CTNNA1: variants seen among roughly 807,000 people sequenced by gnomAD.
The protein encoded by CTNNA1 is catenin alpha-1.
CTNNA1 carries 37 observed loss-of-function variants against 98.4 expected under a neutral mutation model. That is an observed-to-expected ratio of 0.38 (90% confidence interval 0.29 to 0.49). The LOEUF is 0.49. CTNNA1 is among the 20% of genes least tolerant of loss of function. The pLI is 0.95. For synonymous variants in CTNNA1, 404 were observed against 413.2 expected, an observed-to-expected ratio of 0.98 and a Z score of 0.27; for missense variants, 761 against 1,147.2, an observed-to-expected ratio of 0.66 and a Z score of 4.86.
At chr5:138,932,121 T>A in intron 16 of CTNNA1, 1 of 987,704 alleles carries the variant, frequency 1.0e-6, no homozygotes, top group South Asian at 4.7e-5. Context: ...TAACGCAAAG[T>A]GCCTCAGAGC....
chr5:138,815,172 A>G (rs988780069), intron 5 of CTNNA1, among the ~76,000 whole-genome samples: 26 of 152,086 alleles, frequency 1.7e-4, no homozygotes, highest in Admixed American at 1.2e-3. Context: ...TGTTCCATGG[A>G]TCTGTGAAGA....
chr5:138,922,389 T>C (rs1202110046), intron 11 of CTNNA1, among the ~76,000 whole-genome samples: 1 of 152,232 alleles, frequency 6.6e-6, no homozygotes, highest in East Asian at 1.9e-4. Flanking sequence ...ATGGATGAGG[T>C]AGATCTGTAG....
intron 3 of CTNNA1, among the ~76,000 whole-genome samples, chr5:138,793,094 A>G (rs554610085): frequency 1.3e-5 from 2 of 152,350 alleles, no homozygotes; most frequent in South Asian, 4.1e-4. Context: ...GAAGACTGTA[A>G]TTAATTTAAA....
rs1753138681 is a variant in CTNNA1, at chr5:138,768,149, C to G, written c.-2-13774C>G. Among the ~76,000 whole-genome samples, 2 of 152,226 alleles carry G rather than the reference C, an allele frequency of 1.3e-5. 1 individual carries two copies. The highest frequency in any genetic ancestry group is 2.9e-5 in the Non-Finnish European group (2 of 68,046). Reference sequence around the variant, plus strand: ...CATATTGCATTCGATTGTCGTATGTCTTTAGCCTTCACTTCCAGCTTTCCC... The same window carrying G: ...CATATTGCATTCGATTGTCGTATGTGTTTAGCCTTCACTTCCAGCTTTCCC... On this transcript the variant is annotated intron_variant, in intron 1 of 17. Coordinates refer to ENST00000302763, the MANE Select transcript of CTNNA1 (RefSeq NM_001903.5).
chr5:138,787,556 A>G (rs1022869037), intron 3 of CTNNA1, among the ~76,000 whole-genome samples: 1 of 152,250 alleles, frequency 6.6e-6, no homozygotes, highest in Non-Finnish European at 1.5e-5. Flanking sequence ...ATTACAGGCT[A>G]TAGTTTGCTA....
At chr5:138,825,337 G>A (rs1581169855) in intron 6 of CTNNA1, among the ~76,000 whole-genome samples, 1 of 152,106 alleles carries the variant, frequency 6.6e-6, no homozygotes, top group Non-Finnish European at 1.5e-5. Flanking sequence ...TACTTTCTTA[G>A]CATAATGCCA....
intron 7 of CTNNA1, among the ~76,000 whole-genome samples, chr5:138,839,491 G>A (rs543924158): frequency 2.0e-4 from 30 of 152,272 alleles, no homozygotes; most frequent in African/African-American, 6.5e-4. Context: ...ATGAGCCACC[G>A]TGCCTGGCCT....
At chr5:138,884,501 C>T (rs1041897535) in intron 7 of CTNNA1, among the ~76,000 whole-genome samples, 2 of 152,166 alleles carry the variant, frequency 1.3e-5, no homozygotes, top group African/African-American at 4.8e-5. Flanking sequence ...TTTGCAGGGC[C>T]ATTTCAAAAT....
chr5:138,768,653 A>G (rs1753201868), intron 1 of CTNNA1, among the ~76,000 whole-genome samples: 1 of 148,034 alleles, frequency 6.8e-6, no homozygotes, highest in South Asian at 2.1e-4. Context: ...ACGGCATGCT[A>G]AACTCCTGAA....
chr5:138,825,481 A>AATTTTTTTTTTTTTTT (rs1561565679), intron 6 of CTNNA1, among the ~76,000 whole-genome samples: 1 of 21,336 alleles, frequency 4.7e-5, no homozygotes, highest in Non-Finnish European at 8.6e-5. Context: ...CAGCAGTATA[A>AATTTTTTTTTTTTTTT]GTTTTTTTTT....
chr5:138,887,765 G>C, intron 9 of CTNNA1, 123 bp downstream of exon 9: 1 of 771,924 alleles, frequency 1.3e-6, no homozygotes, highest in Non-Finnish European at 2.1e-6. Flanking sequence ...TGTCTGAGAT[G>C]ATAGTCTTTC....
chr5:138,827,431 G>T (rs1760834199), intron 6 of CTNNA1, 84 bp from the exon 7 acceptor site: 2 of 1,459,898 alleles, frequency 1.4e-6, no homozygotes, highest in East Asian at 4.7e-5. Context: ...GTTAAATCTT[G>T]ATATTACTAA....
intron 17 of CTNNA1, 125 bp from the exon 18 acceptor site, chr5:138,933,677 T>C: frequency 1.0e-6 from 1 of 981,492 alleles, no homozygotes; most frequent in South Asian, 1.7e-5. Flanking sequence ...TGCCCAATCC[T>C]CTGCGACCTG....
rs1262426199 is a variant in CTNNA1 at position 138,934,706 on chromosome 5, T to C, written c.*617T>C. 6.5e-6 allele frequency: 1 copy of C among 152,768 alleles called. No homozygotes were observed. Among genetic ancestry groups the C allele is most frequent in the Non-Finnish European group, 1.5e-5 (1 of 68,130 alleles). The allele number at this position is 152,768 out of a possible 1,614,324, so 9.5% of individuals were successfully genotyped here. On this transcript the variant is annotated 3_prime_UTR_variant, in exon 18 of 18. Transcript: ENST00000302763. ...CAGGACATTAATAAAGTTGCTTTTT[T>C]AGGCTACAGTGTCTCGATGCCATAA...
intron 7 of CTNNA1, among the ~76,000 whole-genome samples, chr5:138,852,871 G>GCGCACACACACACGCGCGCGCGCGCGCA (rs869240008): frequency 6.6e-6 from 1 of 151,240 alleles, no homozygotes; most frequent in Admixed American, 6.6e-5. Flanking sequence ...GCGCGCGCGC[G>GCGCACACACACACGCGCGCGCGCGCGCA]CACACACACA....
chr5:138,886,107 A>G, intron 7 of CTNNA1, 105 bp from the exon 8 acceptor site: 2 of 1,280,030 alleles, frequency 1.6e-6, no homozygotes, highest in Non-Finnish European at 1.1e-6. Flanking sequence ...GAGTTTAAGA[A>G]GTTGTACTGC....
chr5:138,805,779 T>C (rs1581088121), intron 3 of CTNNA1, among the ~76,000 whole-genome samples: 1 of 151,224 alleles, frequency 6.6e-6, no homozygotes, highest in East Asian at 1.9e-4. Flanking sequence ...AGTATAAGAG[T>C]TCTTTATATA....
At chr5:138,919,097 T>A (rs951788213) in intron 11 of CTNNA1, among the ~76,000 whole-genome samples, 31 of 152,208 alleles carry the variant, frequency 2.0e-4, no homozygotes, top group Admixed American at 2.0e-3. Context: ...ACTGCCAAAT[T>A]GCAGGTGTTG....
At chr5:138,921,521 G>T (rs1245050163) in intron 11 of CTNNA1, among the ~76,000 whole-genome samples, 1 of 149,818 alleles carries the variant, frequency 6.7e-6, no homozygotes, top group South Asian at 2.1e-4. Flanking sequence ...TGTTGGTTTT[G>T]TGTTTAATAG....
Sources: gnomAD v4.1 joint callset for allele counts (sites outside exome capture counted in the v4.1 genomes callset) on GRCh38, gnomAD v4.1.1 for gene constraint, MANE v1.5 for transcripts, NCBI Gene and HGNC (gene_info 2026-07-23, HGNC 2026-07-21) for gene names.